Variants in CREBRF observed in about 807,000 individuals in gnomAD.
The protein encoded by CREBRF is CREB3 regulatory factor, also known as UPF0474 protein C5orf41.
Under a neutral mutation model 66.1 loss-of-function variants are expected in CREBRF, and 5 were observed. The observed-to-expected ratio is 0.08, with a 90% CI of 0.04 to 0.16. CREBRF has a LOEUF of 0.16. Among genes scored for constraint, CREBRF ranks in the 10% least tolerant of loss-of-function variants. CREBRF has a pLI of 1.00. For synonymous variants in CREBRF, 229 were observed against 264.4 expected (o/e 0.87, Z 1.30); for missense variants, 531 against 744.9 (o/e 0.71, Z 3.34).
intron 1 of CREBRF, among the ~76,000 whole-genome samples, chr5:173,076,337 A>G (rs1173064871): frequency 6.6e-6 from 1 of 152,214 alleles, no homozygotes; most frequent in Non-Finnish European, 1.5e-5. Context: ...TTAAATTTCA[A>G]ACATGTTTTG....
At chr5:173,110,459 T>C in intron 5 of CREBRF, 63 bp from the exon 6 acceptor site, 1 of 1,227,062 alleles carries the variant, frequency 8.1e-7, no homozygotes, top group Non-Finnish European at 1.2e-6. Flanking sequence ...AATGTGGCCG[T>C]GAAAAACGTG....
chr5:173,058,811 T>TC (rs2113645109), intron 1 of CREBRF, among the ~76,000 whole-genome samples: 1 of 136,274 alleles, frequency 7.3e-6, no homozygotes, highest in East Asian at 2.2e-4. Context: ...TTTTTTTTTT[T>TC]TTAAGACGGA....
chr5:173,098,049 G>A (rs547339976), intron 4 of CREBRF, among the ~76,000 whole-genome samples: 4 of 151,564 alleles, frequency 2.6e-5, no homozygotes, highest in East Asian at 1.9e-4. Context: ...GCTTTATCCC[G>A]TAAGTTTTGA....
chr5:173,056,686 C>T (rs909870371), intron 1 of CREBRF, among the ~76,000 whole-genome samples: 3 of 152,102 alleles, frequency 2.0e-5, no homozygotes, highest in African/African-American at 7.2e-5. Flanking sequence ...CTCCGCTCCC[C>T]TCCCCCACCC....
At chr5:173,061,599 A>G (rs1757274812) in intron 1 of CREBRF, among the ~76,000 whole-genome samples, 2 of 152,246 alleles carry the variant, frequency 1.3e-5, no homozygotes, top group South Asian at 2.1e-4. Context: ...ACAAAGCTGT[A>G]TAGCTGTTTC....
At position 173,090,637 on chromosome 5, in the gene CREBRF, C is replaced by T; in HGVS notation, c.458C>T (p.Ser153Phe). ...GAGGACTCACAGTCTGTTTCTGATTCCCTTTATTACCCCGATTCACTTTTC... is the reference window on the plus strand; with the variant it reads ...GAGGACTCACAGTCTGTTTCTGATTTCCTTTATTACCCCGATTCACTTTTC... ...NSEDSQSVSD[S>F]LYYPDSLFSV... Residue 153 changes from serine to phenylalanine, a missense_variant, in exon 4 of 9, where the codon TCC (serine) becomes TTC (phenylalanine). Around this residue, in one of 5 missense-constraint regions of CREBRF, gnomAD observed 133 missense variants for 215.6 expected, o/e 0.62. Transcript: ENST00000296953. This position sits in a 1 kb window ranked among gnomAD's most constrained non-coding sequence, Gnocchi z 4.5. 6.2e-7 allele frequency: 1 copy of T among 1,614,120 alleles called. No homozygotes were observed. The highest frequency in any genetic ancestry group is 8.5e-7 in the Non-Finnish European group (1 of 1,179,986).
chr5:173,101,449 T>C lies in CREBRF; in HGVS notation c.1223-7175T>C, dbSNP rs909767400. On this transcript the variant is annotated intron_variant, in intron 4 of 8. Transcript: ENST00000296953. ...GCTGAGAAAACCACTGACAGTCTTATGAGAGTTTCATTGTATATGACAAGT... is the reference window on the plus strand; with the variant it reads ...GCTGAGAAAACCACTGACAGTCTTACGAGAGTTTCATTGTATATGACAAGT... Among the ~76,000 whole-genome samples the C allele has an allele frequency of 5.3e-5, 8 of 152,364 alleles. No homozygotes were observed. The East Asian group carries it at 5.8e-4, about 11-fold the overall frequency.
At chr5:173,128,553 G>A (rs1237616571) in intron 8 of CREBRF, among the ~76,000 whole-genome samples, 2 of 151,074 alleles carry the variant, frequency 1.3e-5, no homozygotes, top group Non-Finnish European at 2.9e-5. Flanking sequence ...CTGTGTTTTT[G>A]CTTCTGAATG....
intron 1 of CREBRF, among the ~76,000 whole-genome samples, chr5:173,061,053 C>A (rs1036129273): frequency 6.6e-6 from 1 of 152,116 alleles, no homozygotes; most frequent in Non-Finnish European, 1.5e-5. Flanking sequence ...CTGCAACCTC[C>A]GCCTCCCGGG....
intron 4 of CREBRF, chr5:173,091,830 A>G: frequency 1.0e-6 from 1 of 977,342 alleles, no homozygotes; most frequent in Non-Finnish European, 1.2e-6. Flanking sequence ...CACGTTAGTA[A>G]TCCCAGCACT....
In CREBRF at chr5:173,134,289, TAC is replaced by T. The variant is rs57067753; in HGVS notation, c.*558_*559del. ...AAATATATATATATATATATATATA[TAC>T]ACACACACACACAAATGTCTGTGCA... On this transcript the variant is annotated 3_prime_UTR_variant, in exon 9 of 9. Transcript: ENST00000296953. The T allele has an allele frequency of 0.15, 23,781 of 157,106 alleles. 2,471 individuals carry two copies. Among genetic ancestry groups the T allele is most frequent in the South Asian group, 0.25 (1,546 of 6,282 alleles). The allele number at this position is 157,106 out of a possible 1,614,324, so 9.7% of individuals were successfully genotyped here.
At chr5:173,076,749 CAAAAAA>C (rs1202344075) in intron 1 of CREBRF, among the ~76,000 whole-genome samples, 2 of 92,430 alleles carry the variant, frequency 2.2e-5, no homozygotes, top group Admixed American at 1.2e-4. Flanking sequence ...CAGTCAGTCT[CAAAAAA>C]AAAAAAAAAA....
chr5:173,122,599 A>ATTATTATTG (rs1561816429), intron 7 of CREBRF, among the ~76,000 whole-genome samples: 2 of 141,284 alleles, frequency 1.4e-5, no homozygotes, highest in African/African-American at 2.7e-5. Flanking sequence ...TATTATTATT[A>ATTATTATTG]TTATTATTAT....
Position 173,091,006 on chromosome 5 carries a change from A to G in CREBRF, c.827A>G (p.Lys276Arg). Residue 276 changes from lysine to arginine, a missense_variant, in exon 4 of 9, where the codon AAA (lysine) becomes AGA (arginine). Coordinates refer to ENST00000296953, the MANE Select transcript of CREBRF (RefSeq NM_153607.3). The part of the protein sequence containing the change: ...YCGAVAKRQE[K>R]KGMEPLQGHA... ...GGTGCAGTGGCAAAGAGACAAGAGA[A>G]AAAAGGGATGGAGCCTCTTCAAGGT... 4.3e-6 allele frequency: 7 copies of G among 1,614,168 alleles called. No individual in the cohort carries two copies. The highest frequency in any genetic ancestry group is 2.2e-5 in the East Asian group (1 of 44,884).
intron 1 of CREBRF, among the ~76,000 whole-genome samples, chr5:173,057,075 G>A (rs985674160): frequency 2.0e-5 from 3 of 152,170 alleles, no homozygotes; most frequent in Admixed American, 6.5e-5. Context: ...CCGCCTCAGA[G>A]GCGACGGGCG....
chr5:173,111,357 C>T (rs1317941497), intron 6 of CREBRF, among the ~76,000 whole-genome samples: 1 of 152,104 alleles, frequency 6.6e-6, no homozygotes, highest in Non-Finnish European at 1.5e-5. Context: ...ACCTCTGCCT[C>T]CAGGGCTCAA....
At chr5:173,083,368 G>A (rs749654641) in intron 2 of CREBRF, among the ~76,000 whole-genome samples, 6 of 152,150 alleles carry the variant, frequency 3.9e-5, no homozygotes, top group African/African-American at 9.7e-5. Context: ...ATGTTAAAAT[G>A]TAAAAAGAAG....
chr5:173,125,317 T>G (rs565674723), intron 8 of CREBRF, among the ~76,000 whole-genome samples: 1 of 152,344 alleles, frequency 6.6e-6, no homozygotes, highest in South Asian at 2.1e-4. Flanking sequence ...CCCCTGTATT[T>G]CTAATTATTT....
intron 4 of CREBRF, among the ~76,000 whole-genome samples, chr5:173,106,707 T>C (rs1206762434): frequency 4.0e-5 from 6 of 151,844 alleles, no homozygotes; most frequent in Non-Finnish European, 8.8e-5. Flanking sequence ...CCAAATAGTT[T>C]GATCACCCCC....
Sources: gnomAD v4.1 joint callset for allele counts (sites outside exome capture counted in the v4.1 genomes callset) on GRCh38, gnomAD v4.1.1 for gene constraint, gnomAD v4.1.1 regional missense constraint, Gnocchi (gnomAD v3.1) non-coding constraint, MANE v1.5 for transcripts, NCBI Gene and HGNC (gene_info 2026-07-23, HGNC 2026-07-21) for gene names.